The following HS3ST4 variants were observed in gnomAD, a reference collection of about 807,000 sequenced individuals.
HS3ST4 encodes the protein heparan sulfate glucosamine 3-O-sulfotransferase 4.
A neutral mutation model predicts 29.2 loss-of-function variants in HS3ST4; 17 were observed. That is an observed-to-expected ratio of 0.58 (90% CI 0.40 to 0.87). The LOEUF (loss-of-function observed/expected upper bound fraction) is 0.87. HS3ST4 is among the 40% of genes least tolerant of loss of function. The pLI, the probability that HS3ST4 is intolerant of heterozygous loss-of-function variation, is 0.00. For synonymous variants in HS3ST4, 314 were observed against 285.7 expected, an observed-to-expected ratio of 1.10 and a Z score of -1.00; for missense variants, 627 against 634.5, an observed-to-expected ratio of 0.99 and a Z score of 0.13.
intron 1 of HS3ST4, among the ~76,000 whole-genome samples, chr16:26,129,476 A>T (rs925132424): frequency 6.6e-6 from 1 of 152,162 alleles, no homozygotes; most frequent in Non-Finnish European, 1.5e-5. Flanking sequence ...CAGTTTCCTG[A>T]TCCGTAAAGT....
chr16:25,764,549 T>C (rs1966806616), intron 1 of HS3ST4, among the ~76,000 whole-genome samples: 1 of 152,224 alleles, frequency 6.6e-6, no homozygotes, highest in African/African-American at 2.4e-5. Flanking sequence ...CATCACTTTT[T>C]CCTGTGCCAG....
intron 1 of HS3ST4, among the ~76,000 whole-genome samples, chr16:26,032,969 A>G (rs1280144630): frequency 6.6e-6 from 1 of 152,148 alleles, no homozygotes; most frequent in African/African-American, 2.4e-5. Context: ...GTATTCTTAC[A>G]GTAAATTAGG....
chr16:26,067,970 G>A (rs937810697), intron 1 of HS3ST4, among the ~76,000 whole-genome samples: 9 of 152,184 alleles, frequency 5.9e-5, no homozygotes, highest in Admixed American at 1.3e-4. Flanking sequence ...GGAACTGTGA[G>A]TCACAATTGA....
At chr16:26,059,673 C>T (rs780540156) in intron 1 of HS3ST4, among the ~76,000 whole-genome samples, 3 of 152,202 alleles carry the variant, frequency 2.0e-5, no homozygotes, top group African/African-American at 4.8e-5. Context: ...ATCATGATAA[C>T]ACCTCACTGG....
At chr16:25,811,754 G>T (rs1967044686) in intron 1 of HS3ST4, among the ~76,000 whole-genome samples, 1 of 151,910 alleles carries the variant, frequency 6.6e-6, no homozygotes, top group Admixed American at 6.6e-5. Context: ...CTTTTGTCTA[G>T]CTTACTTTAT....
chr16:25,837,624 G>C (rs1439877466), intron 1 of HS3ST4, among the ~76,000 whole-genome samples: 1 of 151,952 alleles, frequency 6.6e-6, no homozygotes, highest in East Asian at 1.9e-4. Flanking sequence ...TCCTTTGTAA[G>C]GCGCATGTTA....
chr16:25,899,952 A>C (rs1365180130), intron 1 of HS3ST4, among the ~76,000 whole-genome samples: 2 of 152,206 alleles, frequency 1.3e-5, no homozygotes, highest in Non-Finnish European at 2.9e-5. Flanking sequence ...TTAGGAAATC[A>C]TGAAGCTGCC....
At chr16:25,840,998 A>G (rs1399341942) in intron 1 of HS3ST4, among the ~76,000 whole-genome samples, 1 of 145,732 alleles carries the variant, frequency 6.9e-6, no homozygotes, top group Non-Finnish European at 1.5e-5. Context: ...TTATTTATTT[A>G]TTTATTTATT....
chr16:26,020,474 C>T (rs758694318), intron 1 of HS3ST4, among the ~76,000 whole-genome samples: 8 of 152,196 alleles, frequency 5.3e-5, no homozygotes, highest in East Asian at 1.9e-4. Context: ...GAAAGAGCAG[C>T]GCTGTGACAG....
chr16:25,796,018 G>A (rs1208940638), intron 1 of HS3ST4, among the ~76,000 whole-genome samples: 1 of 151,968 alleles, frequency 6.6e-6, no homozygotes, highest in Non-Finnish European at 1.5e-5. Flanking sequence ...AATGCCAAGA[G>A]GAAAATTGGT....
intron 1 of HS3ST4, among the ~76,000 whole-genome samples, chr16:25,815,446 C>G (rs951894370): frequency 3.3e-5 from 5 of 152,176 alleles, no homozygotes; most frequent in Non-Finnish European, 7.3e-5. Context: ...GCCTCAGCCT[C>G]ACGAGTAGCT....
At chr16:26,029,466 G>A (rs549640610) in intron 1 of HS3ST4, among the ~76,000 whole-genome samples, 2 of 151,878 alleles carry the variant, frequency 1.3e-5, no homozygotes, top group African/African-American at 2.4e-5. Context: ...AGGCTGGAGT[G>A]CAATGGCACA....
Position 25,746,110 on chromosome 16 carries a change from C to T in HS3ST4, c.734+52959C>T, listed in dbSNP as rs186970072. 6.0e-4 allele frequency among the ~76,000 whole-genome samples: 91 copies of T among 152,340 alleles called. 1 individual carries two copies. Among genetic ancestry groups the T allele is most frequent in the African/African-American group, 2.2e-3 (91 of 41,580 alleles). On this transcript the variant is annotated intron_variant, in intron 1 of 1. Coordinates refer to ENST00000331351, the MANE Select transcript of HS3ST4 (RefSeq NM_006040.3). ...TTTACCTGTTGATTCCCACCTCACCCTAAGTCTTCTCAATTAGACTATGAG... is the reference window on the plus strand; with the variant it reads ...TTTACCTGTTGATTCCCACCTCACCTTAAGTCTTCTCAATTAGACTATGAG...
Position 25,854,593 on chromosome 16 carries a change from G to A in HS3ST4, c.734+161442G>A, listed in dbSNP as rs371108325. The stretch of plus-strand genomic sequence containing the variant: ...GCAGCCCAGTAGGTCTCAGCCTTAT[G>A]TAACCAGCCCATCTACAAGACAGAG... On this transcript the variant is annotated intron_variant, in intron 1 of 1. Coordinates refer to ENST00000331351, the MANE Select transcript of HS3ST4 (RefSeq NM_006040.3). 6.6e-5 allele frequency among the ~76,000 whole-genome samples: 10 copies of A among 152,156 alleles called. No individual in the cohort carries two copies. In the East Asian group the frequency reaches 1.4e-3, roughly 21 times the overall value.
intron 1 of HS3ST4, among the ~76,000 whole-genome samples, chr16:26,088,039 G>T (rs1236735328): frequency 3.3e-5 from 5 of 152,184 alleles, no homozygotes; most frequent in African/African-American, 4.8e-5. Context: ...TCCAGAAAAA[G>T]ATAATGTTCC....
chr16:26,034,393 C>G (rs549056606), intron 1 of HS3ST4, among the ~76,000 whole-genome samples: 1 of 152,150 alleles, frequency 6.6e-6, no homozygotes, highest in African/African-American at 2.4e-5. Flanking sequence ...CAGTACACAG[C>G]GACTGAAGCC....
intron 1 of HS3ST4, among the ~76,000 whole-genome samples, chr16:26,109,496 T>C (rs1437040310): frequency 6.6e-6 from 1 of 151,772 alleles, no homozygotes; most frequent in African/African-American, 2.4e-5. Flanking sequence ...ACTGGTTCCC[T>C]GACAGTGTAT....
chr16:25,706,090 G>A (rs957383072), intron 1 of HS3ST4, among the ~76,000 whole-genome samples: 3 of 152,212 alleles, frequency 2.0e-5, no homozygotes, highest in Admixed American at 1.3e-4. Context: ...GGCAGACTGC[G>A]TAAAGATCTG....
chr16:25,802,280 G>A (rs926351437), intron 1 of HS3ST4, among the ~76,000 whole-genome samples: 1 of 152,002 alleles, frequency 6.6e-6, no homozygotes, highest in Non-Finnish European at 1.5e-5. Flanking sequence ...TATTACATTG[G>A]TGAAAGAACT....
Sources: gnomAD v4.1 joint callset for allele counts (sites outside exome capture counted in the v4.1 genomes callset) on GRCh38, gnomAD v4.1.1 for gene constraint, MANE v1.5 for transcripts, NCBI Gene and HGNC (gene_info 2026-07-23, HGNC 2026-07-21) for gene names.